The following FER1L6 variants were observed in gnomAD, a reference collection of about 807,000 sequenced individuals.
The protein encoded by FER1L6 is fer-1 like family member 6.
FER1L6 carries 177 observed loss-of-function variants against 219.2 expected under a neutral mutation model. That is an observed-to-expected ratio of 0.81 (90% CI 0.71 to 0.91). The LOEUF is 0.91. Ranked by LOEUF, FER1L6 falls within the 40% of genes least tolerant of loss-of-function variation. The probability of loss-of-function intolerance (pLI) is 0.00; values close to 1 mark genes in which losing one functional copy is unlikely to be tolerated. For missense variants in FER1L6, 2,153 were observed against 2,259.9 expected (o/e 0.95, Z 0.96); for synonymous variants, 768 against 824.3 (o/e 0.93, Z 1.17).
intron 23 of FER1L6, 89 bp downstream of exon 23, chr8:124,060,379 C>A: frequency 6.9e-7 from 1 of 1,440,592 alleles, no homozygotes; most frequent in Non-Finnish European, 9.7e-7. Flanking sequence ...ATGGAATGGG[C>A]GGGAGACCTA....
rs35061659 is a variant in FER1L6 at position 123,972,774 on chromosome 8, A to G, written c.448-660A>G. ...TCCACACCTGCCAGTTTTCTCTTTT[A>G]TGGGTGACAGATTGAACTTTTCTCC... On this transcript the variant is annotated intron_variant, in intron 6 of 40. Transcript: ENST00000522917. Among the ~76,000 whole-genome samples the G allele has an allele frequency of 7.6e-3, 1,157 of 152,256 alleles. 7 individuals are homozygous for G. The highest frequency in any genetic ancestry group is 0.011 in the Non-Finnish European group (756 of 68,000).
At position 123,973,454 on chromosome 8, in the gene FER1L6, AG is replaced by A; in HGVS notation, c.470del (p.Gly157GlufsTer4). On this transcript the variant is annotated frameshift_variant, in exon 7 of 41. Coordinates refer to ENST00000522917, the MANE Select transcript of FER1L6 (RefSeq NM_001039112.2). LOFTEE classifies it high-confidence loss of function. The stretch of plus-strand genomic sequence containing the variant: ...CTCAGGTCTTTCACCACAAGCTGAT[AG>A]GAAGTGTACTGATTGGCTCTTTCAA... ...KISVFHHKLIGSVLIGSFKVD... is the reference protein window; with the variant it reads ...KISVFHHKLIXSVLIGSFKVD... The A allele has an allele frequency of 6.2e-7, 1 of 1,614,040 alleles. No homozygotes were observed. The highest frequency in any genetic ancestry group is 8.5e-7 in the Non-Finnish European group (1 of 1,179,894).
intron 19 of FER1L6, among the ~76,000 whole-genome samples, chr8:124,039,150 C>G (rs1819349105): frequency 6.6e-6 from 1 of 152,174 alleles, no homozygotes; most frequent in Admixed American, 6.5e-5. Flanking sequence ...TCACAGGACA[C>G]TTATCCCTGA....
intron 34 of FER1L6, among the ~76,000 whole-genome samples, chr8:124,093,645 C>CT (rs1315697784): frequency 6.6e-6 from 1 of 151,966 alleles, no homozygotes; most frequent in Non-Finnish European, 1.5e-5. Flanking sequence ...ACAATTACCA[C>CT]TTTTTTGCCC....
intron 19 of FER1L6, chr8:124,036,300 A>G (rs943558191): frequency 4.6e-5 from 7 of 152,198 alleles, no homozygotes; most frequent in African/African-American, 1.7e-4. Context: ...GTCAGAGAAT[A>G]CAAGGTTCTG....
intron 1 of FER1L6, among the ~76,000 whole-genome samples, chr8:123,857,827 C>T (rs112523126): frequency 4.1e-4 from 63 of 152,262 alleles, no homozygotes; most frequent in Admixed American, 1.5e-3. Flanking sequence ...TTCCTACTGC[C>T]GGAATTTTCT....
intron 3 of FER1L6, among the ~76,000 whole-genome samples, chr8:123,964,735 G>C (rs1268102002): frequency 6.6e-6 from 1 of 152,152 alleles, no homozygotes; most frequent in African/African-American, 2.4e-5. Context: ...ACATTCTCCA[G>C]CAATTGAAAT....
chr8:123,917,888 A>G (rs1274185031), intron 1 of FER1L6, among the ~76,000 whole-genome samples: 1 of 152,212 alleles, frequency 6.6e-6, no homozygotes, highest in Non-Finnish European at 1.5e-5. Flanking sequence ...AATGGACTAC[A>G]TTCTCTTTTG....
intron 33 of FER1L6, among the ~76,000 whole-genome samples, chr8:124,088,948 C>T (rs1174863636): frequency 6.6e-6 from 1 of 152,032 alleles, no homozygotes; most frequent in African/African-American, 2.4e-5. Flanking sequence ...CTGAACTGTG[C>T]TGCCTGGGAT....
chr8:124,083,712 C>T (rs796580204), intron 33 of FER1L6, among the ~76,000 whole-genome samples: 6 of 152,034 alleles, frequency 3.9e-5, no homozygotes, highest in African/African-American at 1.4e-4. Context: ...GTGATTCCTC[C>T]AGTTCTGTTC....
chr8:123,956,469 G>A (rs951262099), intron 2 of FER1L6, among the ~76,000 whole-genome samples: 2 of 152,198 alleles, frequency 1.3e-5, no homozygotes, highest in Admixed American at 6.5e-5. Context: ...AAAATAAGAG[G>A]ATCACAGTTA....
chr8:123,922,623 G>A (rs1025144890), intron 1 of FER1L6, among the ~76,000 whole-genome samples: 1 of 152,158 alleles, frequency 6.6e-6, no homozygotes, highest in African/African-American at 2.4e-5. Flanking sequence ...CAGCAGAGCC[G>A]TGGGCTCCCG....
intron 18 of FER1L6, among the ~76,000 whole-genome samples, chr8:124,033,771 C>G (rs932757854): frequency 6.6e-6 from 1 of 152,222 alleles, no homozygotes; most frequent in Non-Finnish European, 1.5e-5. Context: ...TAAAGCCCAG[C>G]TAAATATTTG....
At chr8:124,048,708 C>T (rs1819847602) in intron 21 of FER1L6, among the ~76,000 whole-genome samples, 1 of 152,242 alleles carries the variant, frequency 6.6e-6, no homozygotes, top group African/African-American at 2.4e-5. Context: ...CTTTAGTTCT[C>T]ATGATCCTAT....
Position 123,973,540 on chromosome 8 carries a change from A to T in FER1L6, c.526+28A>T, listed in dbSNP as rs10102622. The T allele has an allele frequency of 2.2e-5, 34 of 1,558,474 alleles. No individual in the cohort carries two copies. In the African/African-American group the frequency reaches 4.6e-4, roughly 21 times the overall value. On this transcript the variant is annotated intron_variant, in intron 7 of 40. Coordinates refer to ENST00000522917, the MANE Select transcript of FER1L6 (RefSeq NM_001039112.2). ...AAGAAAACATCACCTCCCCATCTGT[A>T]TCTCACTTGTCTTTGGTTTATAGCA...
At position 124,064,331 on chromosome 8, in the gene FER1L6, T is replaced by A; in HGVS notation, c.3329-16T>A. 2 of 1,606,872 alleles carry A rather than the reference T, an allele frequency of 1.2e-6. No homozygotes were observed. Among genetic ancestry groups the A allele is most frequent in the Non-Finnish European group, 1.7e-6 (2 of 1,173,974 alleles). On this transcript the variant is annotated splice_polypyrimidine_tract_variant and intron_variant, in intron 25 of 40. Transcript: ENST00000522917. ...GATGCAGCCCAGCTCCCTGACCTGA[T>A]GTGCTTTCATTTCAGATATTTCAGA... is the stretch of plus-strand genomic sequence containing the variant.
At position 124,118,855 on chromosome 8, in the gene FER1L6, A is replaced by G. The variant is rs750201080; in HGVS notation, c.5301A>G (p.Glu1767=). The change falls in exon 40 of 41, where the codon GAA becomes GAG. Residue 1767 remains glutamate (E), a synonymous_variant. Transcript: ENST00000522917. The stretch of plus-strand genomic sequence containing the variant: ...GCATCTTTTTGCAGGGCAAGGTTGA[A>G]GCTGAGTTCCACCTAGTTACAGCAG... ...SKSKELTGKV[E]AEFHLVTAEE... 6.2e-7 allele frequency: 1 copy of G among 1,613,960 alleles called. No homozygotes were observed. Among genetic ancestry groups the G allele is most frequent in the Non-Finnish European group, 8.5e-7 (1 of 1,179,942 alleles).
At chr8:123,956,249 C>T (rs2130129418) in intron 2 of FER1L6, among the ~76,000 whole-genome samples, 175 bp downstream of exon 2, 1 of 152,312 alleles carries the variant, frequency 6.6e-6, no homozygotes, top group Admixed American at 6.5e-5. Context: ...ACCCCCAAGG[C>T]CCTTGGTCAT....
At chr8:123,915,340 C>T (rs1462343464) in intron 1 of FER1L6, among the ~76,000 whole-genome samples, 2 of 151,876 alleles carry the variant, frequency 1.3e-5, no homozygotes, top group Non-Finnish European at 2.9e-5. Flanking sequence ...CAGGGGTGGC[C>T]TTGGCTTTTC....
Sources: gnomAD v4.1 joint callset for allele counts (sites outside exome capture counted in the v4.1 genomes callset) on GRCh38, gnomAD v4.1.1 for gene constraint, MANE v1.5 for transcripts, NCBI Gene and HGNC (gene_info 2026-07-23, HGNC 2026-07-21) for gene names.